Variants in GALNTL6 observed in about 807,000 individuals in gnomAD.
The protein encoded by GALNTL6 is polypeptide N-acetylgalactosaminyltransferase like 6, also known as polypeptide N-acetylgalactosaminyltransferase-like 6.
GALNTL6 carries 46 observed loss-of-function variants against 73.7 expected under a neutral mutation model. The observed-to-expected ratio is 0.62, with a 90% CI of 0.49 to 0.80. The LOEUF (loss-of-function observed/expected upper bound fraction) is 0.80. Among genes scored for constraint, GALNTL6 ranks in the 30% least tolerant of loss-of-function variants. GALNTL6 has a pLI of 0.00. For missense variants in GALNTL6, 604 were observed against 755.0 expected, an observed-to-expected ratio of 0.80 and a Z score of 2.34; for synonymous variants, 259 against 263.7, an observed-to-expected ratio of 0.98 and a Z score of 0.17.
intron 12 of GALNTL6, among the ~76,000 whole-genome samples, chr4:173,022,456 T>C (rs961350350): frequency 6.6e-6 from 1 of 152,128 alleles, no homozygotes; most frequent in Non-Finnish European, 1.5e-5. Context: ...GAACCACATA[T>C]CCAATAAGCA....
intron 2 of GALNTL6, among the ~76,000 whole-genome samples, chr4:172,088,457 T>A (rs1159377378): frequency 1.3e-5 from 2 of 152,208 alleles, no homozygotes; most frequent in Non-Finnish European, 2.9e-5. Flanking sequence ...TACAGATGTG[T>A]ATAACGCCTT....
chr4:172,773,764 G>C (rs1217854788), intron 5 of GALNTL6, among the ~76,000 whole-genome samples: 1 of 152,174 alleles, frequency 6.6e-6, no homozygotes, highest in Non-Finnish European at 1.5e-5. Flanking sequence ...TGGCAGAGCT[G>C]GGAATTCAAT....
At chr4:172,486,928 A>G (rs933003758) in intron 5 of GALNTL6, among the ~76,000 whole-genome samples, 1 of 152,218 alleles carries the variant, frequency 6.6e-6, no homozygotes. Context: ...GACTAAATCA[A>G]TATGTTCAGA....
chr4:171,931,396 C>T (rs1738180742), intron 2 of GALNTL6, among the ~76,000 whole-genome samples: 1 of 152,074 alleles, frequency 6.6e-6, no homozygotes. Context: ...TTACTGAGCA[C>T]CCTTGATTGC....
intron 5 of GALNTL6, among the ~76,000 whole-genome samples, chr4:172,642,329 G>C (rs760585016): frequency 6.6e-6 from 1 of 151,964 alleles, no homozygotes; most frequent in Non-Finnish European, 1.5e-5. Context: ...ATCAACCTAA[G>C]TGTCTATCAA....
chr4:172,848,543 A>T (rs781473294), intron 7 of GALNTL6, among the ~76,000 whole-genome samples: 2 of 152,136 alleles, frequency 1.3e-5, no homozygotes, highest in African/African-American at 4.8e-5. Flanking sequence ...CTGGATTCAG[A>T]CCCTTCTGGG....
intron 2 of GALNTL6, among the ~76,000 whole-genome samples, chr4:172,201,177 G>GT (rs572212018): frequency 0.018 from 2,589 of 143,254 alleles, 53 homozygotes; most frequent in African/African-American, 0.05. Flanking sequence ...GTTGGGAGTT[G>GT]TTTTTTTTTT....
intron 12 of GALNTL6, among the ~76,000 whole-genome samples, chr4:173,024,444 T>G (rs1395791512): frequency 2.0e-5 from 3 of 152,268 alleles, no homozygotes; most frequent in African/African-American, 7.2e-5. Flanking sequence ...CACACCTGTT[T>G]TAGAAAATTC....
At chr4:173,028,556 G>A (rs72708775) in intron 12 of GALNTL6, among the ~76,000 whole-genome samples, 1 of 151,746 alleles carries the variant, frequency 6.6e-6, no homozygotes, top group Non-Finnish European at 1.5e-5. Context: ...CCTCACCCCC[G>A]CCAACTACCT....
intron 5 of GALNTL6, among the ~76,000 whole-genome samples, chr4:172,430,611 A>T (rs1326455725): frequency 6.6e-6 from 1 of 152,140 alleles, no homozygotes; most frequent in Non-Finnish European, 1.5e-5. Context: ...AATAGGAGAC[A>T]TAATGAGATC....
At chr4:171,881,391 T>TG (rs1736444794) in intron 2 of GALNTL6, among the ~76,000 whole-genome samples, 1 of 152,104 alleles carries the variant, frequency 6.6e-6, no homozygotes, top group Admixed American at 6.6e-5. Flanking sequence ...GTGTTAGAAG[T>TG]GGGGCCCAGT....
chr4:171,867,070 A>G (rs1028001261), intron 2 of GALNTL6, among the ~76,000 whole-genome samples: 4 of 152,156 alleles, frequency 2.6e-5, no homozygotes, highest in African/African-American at 9.6e-5. Context: ...AATATATAAA[A>G]TATGATAAGT....
intron 2 of GALNTL6, among the ~76,000 whole-genome samples, chr4:172,110,715 GAC>G (rs1223671799): frequency 6.6e-6 from 1 of 152,066 alleles, no homozygotes; most frequent in African/African-American, 2.4e-5. Flanking sequence ...AAAGGAATCA[GAC>G]ACATGTTTTG....
intron 2 of GALNTL6, among the ~76,000 whole-genome samples, chr4:172,151,392 T>A (rs1416849745): frequency 6.6e-6 from 1 of 152,216 alleles, no homozygotes; most frequent in Non-Finnish European, 1.5e-5. Context: ...GAATTGTAAT[T>A]TGCTAAACCA....
intron 2 of GALNTL6, among the ~76,000 whole-genome samples, chr4:172,153,396 A>C (rs1429820043): frequency 6.6e-6 from 1 of 152,184 alleles, no homozygotes; most frequent in Non-Finnish European, 1.5e-5. Context: ...CAAGGGCCTA[A>C]GTATTAGGGA....
chr4:172,957,812 G>A (rs1010400470), intron 10 of GALNTL6, among the ~76,000 whole-genome samples: 26 of 152,096 alleles, frequency 1.7e-4, no homozygotes, highest in African/African-American at 5.8e-4. Flanking sequence ...AGGTAGTGGA[G>A]GGGGGCAGAG....
chr4:172,677,726 C>A (rs1336439133), intron 5 of GALNTL6, among the ~76,000 whole-genome samples: 1 of 151,738 alleles, frequency 6.6e-6, no homozygotes, highest in African/African-American at 2.4e-5. Context: ...AGTTGGAGAT[C>A]AGCCTAGATA....
chr4:173,029,884 A>C (rs909562489), intron 12 of GALNTL6, among the ~76,000 whole-genome samples: 27 of 152,336 alleles, frequency 1.8e-4, no homozygotes, highest in African/African-American at 6.0e-4. Flanking sequence ...TTGGATCAGC[A>C]TCCATTCATG....
chr4:172,484,245 A>G (rs1733595494), intron 5 of GALNTL6, among the ~76,000 whole-genome samples: 1 of 152,220 alleles, frequency 6.6e-6, no homozygotes, highest in South Asian at 2.1e-4. Flanking sequence ...TATTAGATCC[A>G]CAAATATTGT....
Sources: gnomAD v4.1 joint callset for allele counts (sites outside exome capture counted in the v4.1 genomes callset) on GRCh38, gnomAD v4.1.1 for gene constraint, MANE v1.5 for transcripts, NCBI Gene and HGNC (gene_info 2026-07-23, HGNC 2026-07-21) for gene names.